Variants in DLG2 observed in about 807,000 individuals in gnomAD.
The protein encoded by DLG2 is disks large homolog 2.
A neutral mutation model predicts 132.5 loss-of-function variants in DLG2; 45 were observed. The ratio of observed to expected loss-of-function variants is 0.34; its 90% CI spans 0.27 to 0.44. The LOEUF is 0.44. DLG2 is among the 20% of genes least tolerant of loss of function. The pLI is 1.00. For synonymous variants in DLG2, 424 were observed against 419.6 expected (o/e 1.01, Z -0.13); for missense variants, 1,045 against 1,196.9 (o/e 0.87, Z 1.87).
At chr11:83,473,351 T>C (rs145560414) in intron 22 of DLG2, among the ~76,000 whole-genome samples, 1 of 152,176 alleles carries the variant, frequency 6.6e-6, no homozygotes, top group East Asian at 1.9e-4. Flanking sequence ...ACATCATTGG[T>C]TATAATTGCT....
chr11:83,499,624 T>C (rs2138948047), intron 21 of DLG2, among the ~76,000 whole-genome samples: 1 of 151,218 alleles, frequency 6.6e-6, no homozygotes, highest in African/African-American at 2.4e-5. Flanking sequence ...CTCTCCGTAT[T>C]GCCTCCTTAT....
intron 6 of DLG2, among the ~76,000 whole-genome samples, chr11:84,861,978 T>A (rs1050314359): frequency 7.3e-6 from 1 of 137,134 alleles, no homozygotes; most frequent in Non-Finnish European, 1.5e-5. Flanking sequence ...CAGGTGGGAA[T>A]TGAACAATGA....
At chr11:84,039,905 T>C (rs1212064155) in intron 11 of DLG2, among the ~76,000 whole-genome samples, 11 of 146,438 alleles carry the variant, frequency 7.5e-5, no homozygotes, top group East Asian at 2.0e-4. Flanking sequence ...TTTTAATGAT[T>C]GCCATTCTAA....
chr11:84,552,269 A>G (rs1387619699), intron 6 of DLG2, among the ~76,000 whole-genome samples: 1 of 152,012 alleles, frequency 6.6e-6, no homozygotes, highest in African/African-American at 2.4e-5. Flanking sequence ...TCTCTTTCCA[A>G]ACATATCTCT....
chr11:85,060,438 T>C (rs1210740313), intron 6 of DLG2, among the ~76,000 whole-genome samples: 2 of 150,764 alleles, frequency 1.3e-5, no homozygotes, highest in African/African-American at 4.9e-5. Context: ...TGTGTATATA[T>C]ATACACGCAT....
At chr11:84,881,498 G>T (rs903927337) in intron 6 of DLG2, among the ~76,000 whole-genome samples, 1 of 152,114 alleles carries the variant, frequency 6.6e-6, no homozygotes, top group African/African-American at 2.4e-5. Context: ...CAAAACTGGG[G>T]TGCCAATTCA....
chr11:83,580,856 C>A (rs2096960657), intron 19 of DLG2, among the ~76,000 whole-genome samples: 1 of 128,984 alleles, frequency 7.8e-6, no homozygotes, highest in Non-Finnish European at 1.6e-5. Flanking sequence ...TCCCCTTCCC[C>A]TTACTTCCTC....
intron 6 of DLG2, among the ~76,000 whole-genome samples, chr11:84,790,961 A>G (rs1003627015): frequency 2.0e-5 from 3 of 152,128 alleles, no homozygotes; most frequent in African/African-American, 7.2e-5. Flanking sequence ...GTCTGTTCTT[A>G]CACTGCTATA....
At chr11:85,472,375 C>T (rs1301216841) in intron 3 of DLG2, among the ~76,000 whole-genome samples, 2 of 152,198 alleles carry the variant, frequency 1.3e-5, no homozygotes, top group Admixed American at 6.5e-5. Context: ...GATCTCAGCT[C>T]ACTGCAATCT....
intron 6 of DLG2, among the ~76,000 whole-genome samples, chr11:84,917,325 A>G (rs148118353): frequency 6.6e-6 from 1 of 152,196 alleles, no homozygotes; most frequent in Non-Finnish European, 1.5e-5. Context: ...GACATATGCA[A>G]TTTTATTGTT....
chr11:84,510,094 C>CTTATCA (rs1554982198), intron 7 of DLG2, among the ~76,000 whole-genome samples: 1 of 146,566 alleles, frequency 6.8e-6, no homozygotes, highest in Non-Finnish European at 1.5e-5. Flanking sequence ...TAAGAGTTCA[C>CTTATCA]TTATTATTAT....
chr11:83,651,045 CA>C (rs1309328363), intron 18 of DLG2, among the ~76,000 whole-genome samples: 6 of 152,132 alleles, frequency 3.9e-5, no homozygotes, highest in African/African-American at 1.2e-4. Context: ...TTCATTTTTG[CA>C]TTTATGACAT....
chr11:84,198,968 T>C (rs983169268), intron 8 of DLG2, among the ~76,000 whole-genome samples: 4 of 152,078 alleles, frequency 2.6e-5, no homozygotes, highest in African/African-American at 9.7e-5. Flanking sequence ...TGTTAAAAAA[T>C]GGTCAACAGA....
At chr11:84,141,104 T>C (rs955479988) in intron 9 of DLG2, among the ~76,000 whole-genome samples, 3 of 152,164 alleles carry the variant, frequency 2.0e-5, no homozygotes, top group African/African-American at 7.2e-5. Flanking sequence ...AATAGAGAGT[T>C]ATACTTACTG....
At chr11:83,859,165 G>A (rs1484645288) in intron 16 of DLG2, among the ~76,000 whole-genome samples, 2 of 152,198 alleles carry the variant, frequency 1.3e-5, no homozygotes, top group Non-Finnish European at 2.9e-5. Flanking sequence ...AACTAATACA[G>A]TAAATTGGTT....
chr11:84,008,826 T>C (rs776681339), intron 11 of DLG2, among the ~76,000 whole-genome samples: 6 of 151,728 alleles, frequency 4.0e-5, no homozygotes, highest in Admixed American at 6.6e-5. Context: ...ACCATTCAAA[T>C]AAGAGTTCCT....
chr11:85,597,731 G>C (rs1354921305), intron 3 of DLG2, among the ~76,000 whole-genome samples: 1 of 151,422 alleles, frequency 6.6e-6, no homozygotes. Context: ...AGCCTTATAA[G>C]TTCCTATTTT....
At chr11:84,513,773 G>GC (rs1554984945) in intron 7 of DLG2, among the ~76,000 whole-genome samples, 94 of 149,498 alleles carry the variant, frequency 6.3e-4, no homozygotes, top group African/African-American at 2.2e-3. Context: ...ATTGGTCCAG[G>GC]CCCCCCAAAA....
At chr11:84,399,219 A>G (rs2098821231) in intron 7 of DLG2, among the ~76,000 whole-genome samples, 1 of 152,100 alleles carries the variant, frequency 6.6e-6, no homozygotes, top group Admixed American at 6.6e-5. Context: ...CTACCCTGCT[A>G]GTGTTCCTTC....
Sources: gnomAD v4.1 joint callset for allele counts (sites outside exome capture counted in the v4.1 genomes callset) on GRCh38, gnomAD v4.1.1 for gene constraint, MANE v1.5 for transcripts, NCBI Gene and HGNC (gene_info 2026-07-23, HGNC 2026-07-21) for gene names.